Variants in FRY observed in about 807,000 individuals in gnomAD.
FRY encodes protein furry homolog.
Under a neutral mutation model 348.4 loss-of-function variants are expected in FRY, and 128 were observed. The ratio of observed to expected loss-of-function variants is 0.37; its 90% CI spans 0.32 to 0.43. The LOEUF is 0.43. FRY is among the 20% of genes least tolerant of loss of function. FRY has a pLI of 1.00. For missense variants in FRY, 2,736 were observed against 3,695.2 expected (o/e 0.74, Z 6.73); for synonymous variants, 1,370 against 1,374.7 (o/e 1.00, Z 0.08).
chr13:32,097,592 A>ATTTCTATCACATTACGTAAAT, intron 2 of FRY, among the ~76,000 whole-genome samples: 1 of 151,932 alleles, frequency 6.6e-6, no homozygotes, highest in African/African-American at 2.4e-5. Flanking sequence ...AATTCCCAAC[A>ATTTCTATCACATTACGTAAAT]TCAGGTGATC....
At chr13:32,211,133 C>T in intron 34 of FRY, 99 bp downstream of exon 34, 3 of 1,161,864 alleles carry the variant, frequency 2.6e-6, no homozygotes, top group South Asian at 2.6e-5. Flanking sequence ...TTACTTTTTT[C>T]TTATTCCTGT....
At chr13:32,244,562 G>A (rs1006237385) in intron 47 of FRY, among the ~76,000 whole-genome samples, 3 of 152,174 alleles carry the variant, frequency 2.0e-5, no homozygotes, top group African/African-American at 7.2e-5. Flanking sequence ...TCTAGGCCCG[G>A]TGTTTCAACA....
At position 32,212,343 on chromosome 13, in the gene FRY, A is replaced by T; in HGVS notation, c.4643A>T (p.Asp1548Val). The T allele has an allele frequency of 6.2e-7, 1 of 1,610,582 alleles. No individual in the cohort carries two copies. The highest frequency in any genetic ancestry group is 8.5e-7 in the Non-Finnish European group (1 of 1,177,382). The part of the protein sequence containing the change: ...TVVAGQENFP[D>V]AEENKILKES... ...GTTGCTGGCCAGGAAAATTTCCCAG[A>T]TGCTGAGGAGAACAAGATATTGAAA... The change falls in exon 35 of 61, where the codon GAT becomes GTT. Residue 1548 changes from aspartate to valine, a missense_variant. Coordinates refer to ENST00000542859, the MANE Select transcript of FRY (RefSeq NM_023037.3).
chr13:32,076,111 T>G (rs868761039), intron 1 of FRY, among the ~76,000 whole-genome samples: 41 of 152,200 alleles, frequency 2.7e-4, no homozygotes, highest in African/African-American at 8.7e-4. Flanking sequence ...ATCTCTCTAG[T>G]TCAAAATGCA....
chr13:32,122,831 C>T (rs1878756394), intron 4 of FRY, among the ~76,000 whole-genome samples: 1 of 152,188 alleles, frequency 6.6e-6, no homozygotes, highest in African/African-American at 2.4e-5. Flanking sequence ...TAAAAGAATT[C>T]AGCAAAGTTT....
chr13:32,157,166 T>C (rs1881163387), intron 15 of FRY, 107 bp from the exon 16 acceptor site: 2 of 1,029,384 alleles, frequency 1.9e-6, no homozygotes, highest in African/African-American at 3.1e-5. Flanking sequence ...CTCAAGGAAG[T>C]CATTGACTCA....
In FRY at chr13:32,131,428, C is replaced by T. The variant is rs905761485; in HGVS notation, c.717-244C>T. Among the ~76,000 whole-genome samples, 7 of 152,132 alleles carry T rather than the reference C, an allele frequency of 4.6e-5. 1 individual carries two copies. The highest frequency in any genetic ancestry group is 3.9e-4 in the Admixed American group (6 of 15,276). ...CCATTTTGAGAAGGTCTAAATAAAC[C>T]GGGATCTGCCCCCTCGCCTGATGAA... is the stretch of plus-strand genomic sequence containing the variant. On this transcript the variant is annotated intron_variant, in intron 7 of 60. Coordinates refer to ENST00000542859, the MANE Select transcript of FRY (RefSeq NM_023037.3).
At chr13:32,136,191 A>G (rs971824739) in intron 10 of FRY, among the ~76,000 whole-genome samples, 2 of 152,088 alleles carry the variant, frequency 1.3e-5, no homozygotes, top group East Asian at 3.8e-4. Flanking sequence ...CAAAATGGTG[A>G]TGGGTTCTGC....
At chr13:32,292,526 G>A (rs1889423987) in intron 59 of FRY, among the ~76,000 whole-genome samples, 1 of 151,700 alleles carries the variant, frequency 6.6e-6, no homozygotes, top group African/African-American at 2.4e-5. Flanking sequence ...GGGTGCGGTG[G>A]CTCACGCCTG....
At chr13:32,183,398 A>T (rs928941629) in intron 24 of FRY, among the ~76,000 whole-genome samples, 1 of 152,230 alleles carries the variant, frequency 6.6e-6, no homozygotes, top group Non-Finnish European at 1.5e-5. Context: ...CATCTGGCAT[A>T]CGAGGCATTT....
intron 3 of FRY, among the ~76,000 whole-genome samples, chr13:32,114,600 A>G (rs1878183544): frequency 6.6e-6 from 1 of 152,168 alleles, no homozygotes. Flanking sequence ...AGATTTACAC[A>G]AGTATTTTTA....
chr13:32,198,811 C>A (rs1883840421), intron 29 of FRY, among the ~76,000 whole-genome samples: 1 of 152,072 alleles, frequency 6.6e-6, no homozygotes, highest in Non-Finnish European at 1.5e-5. Flanking sequence ...TTTAAAAATA[C>A]AAGTTACAGA....
At chr13:32,222,122 C>T (rs1885347106) in intron 36 of FRY, among the ~76,000 whole-genome samples, 1 of 152,106 alleles carries the variant, frequency 6.6e-6, no homozygotes, top group South Asian at 2.1e-4. Context: ...AGGGCAGAGA[C>T]TTGAATGAAG....
rs1464492677 is a variant in FRY at position 32,294,474 on chromosome 13, C to T, written c.8687C>T (p.Pro2896Leu). The T allele has an allele frequency of 1.2e-6, 2 of 1,613,850 alleles. No individual in the cohort carries two copies. The highest frequency in any genetic ancestry group is 2.7e-5 in the African/African-American group (2 of 74,908). The change falls in exon 60 of 61, where the codon CCC becomes CTC. Residue 2896 changes from proline to leucine, a missense_variant. Coordinates refer to ENST00000542859, the MANE Select transcript of FRY (RefSeq NM_023037.3). The part of the protein sequence containing the change: ...PLYSDGAWSE[P>L]TFTSTEAAIQ... ...TATTCAGACGGCGCGTGGTCCGAGCCCACCTTCACGTCCACTGAAGCAGCC... is the reference window on the plus strand; with the variant it reads ...TATTCAGACGGCGCGTGGTCCGAGCTCACCTTCACGTCCACTGAAGCAGCC...
chr13:32,119,019 C>T (rs560161864), intron 4 of FRY, among the ~76,000 whole-genome samples: 1 of 152,110 alleles, frequency 6.6e-6, no homozygotes, highest in South Asian at 2.1e-4. Context: ...GAATTGATTT[C>T]TTTATGGATT....
chr13:32,291,657 G>A (rs572632124), intron 59 of FRY, among the ~76,000 whole-genome samples: 105 of 152,116 alleles, frequency 6.9e-4, no homozygotes, highest in African/African-American at 2.1e-3. Flanking sequence ...CACCTGCCTC[G>A]GCCCCCACAA....
rs1414512353 is a variant in FRY, at chr13:32,261,942, G to A, written c.7617+126G>A. The A allele has an allele frequency of 4.5e-6, 4 of 887,792 alleles. No individual in the cohort carries two copies. The African/African-American group carries it at 6.6e-5, about 15-fold the overall frequency. 55.0% of individuals were successfully genotyped at this position (887,792 alleles called of 1,614,324 possible). ...TGCTGAACTAAAATCGGAACTGTCA[G>A]GTGGTGTCATACGGGTTCTAGCTGG... is the stretch of plus-strand genomic sequence containing the variant. On this transcript the variant is annotated intron_variant, in intron 52 of 60. Transcript: ENST00000542859.
At chr13:32,211,178 C>A in intron 34 of FRY, 144 bp downstream of exon 34, 2 of 811,526 alleles carry the variant, frequency 2.5e-6, no homozygotes, top group Non-Finnish European at 4.1e-6. Context: ...TTAAGAATAA[C>A]TGAGACATGG....
chr13:32,152,032 C>T (rs1351535089), intron 14 of FRY, among the ~76,000 whole-genome samples: 2 of 152,118 alleles, frequency 1.3e-5, no homozygotes, highest in African/African-American at 2.4e-5. Context: ...AAACAAAATA[C>T]TTAGCACTAA....
Sources: gnomAD v4.1 joint callset for allele counts (sites outside exome capture counted in the v4.1 genomes callset) on GRCh38, gnomAD v4.1.1 for gene constraint, MANE v1.5 for transcripts, NCBI Gene and HGNC (gene_info 2026-07-23, HGNC 2026-07-21) for gene names.